Variants in MIER1 observed in about 807,000 individuals in gnomAD.
MIER1 encodes MIER1 transcriptional regulator.
In MIER1, 40 loss-of-function variants were observed where a neutral mutation model predicts 75.7. The ratio of observed to expected loss-of-function variants is 0.53; its 90% CI spans 0.41 to 0.69. MIER1 has a LOEUF of 0.69. Ranked by LOEUF, MIER1 falls within the 30% of genes least tolerant of loss-of-function variation. The probability of loss-of-function intolerance (pLI) is 0.00; values close to 1 mark genes in which losing one functional copy is unlikely to be tolerated. For missense variants in MIER1, 574 were observed against 680.2 expected, an observed-to-expected ratio of 0.84 and a Z score of 1.74; for synonymous variants, 213 against 223.4, an observed-to-expected ratio of 0.95 and a Z score of 0.42.
chr1:66,925,409 G>T lies in MIER1; in HGVS notation c.67+314G>T, dbSNP rs543137616. The T allele has an allele frequency of 1.3e-5, 13 of 985,460 alleles. No homozygotes were observed. In the South Asian group the frequency reaches 6.1e-4, roughly 46 times the overall value. The allele number at this position is 985,460 out of a possible 1,614,324, so 61.0% of individuals were successfully genotyped here. A position where few individuals can be genotyped will look rare whatever the true frequency, so the allele number is the denominator to read the frequency against. ...GAGTTCGCCTCGCCCCGTTCGCTTC[G>T]GTCCCTGATCCCAGTCGGGGTGGGG... On this transcript the variant is annotated intron_variant, in intron 1 of 13. Transcript: ENST00000401041.
intron 12 of MIER1, among the ~76,000 whole-genome samples, chr1:66,980,618 T>C (rs981864327): frequency 2.6e-5 from 4 of 152,230 alleles, no homozygotes; most frequent in Non-Finnish European, 4.4e-5. Context: ...CACAAAATTC[T>C]AAGAGATTTG....
chr1:66,956,248 C>T (rs1474604978), intron 4 of MIER1, among the ~76,000 whole-genome samples: 1 of 152,064 alleles, frequency 6.6e-6, no homozygotes, highest in African/African-American at 2.4e-5. Context: ...ATGGTGAAAC[C>T]CTTCTCTATG....
Position 66,967,345 on chromosome 1 carries a change from C to G in MIER1, c.773-3463C>G, listed in dbSNP as rs375926343. 2.0e-5 allele frequency among the ~76,000 whole-genome samples: 3 copies of G among 152,088 alleles called. No individual in the cohort carries two copies. The South Asian group carries it at 6.2e-4, about 32-fold the overall frequency. ...GTGACTTGTTTCTGGGTCCTGTGTT[C>G]TGTTCTGTATGTCTTATTTTTATGC... On this transcript the variant is annotated intron_variant, in intron 8 of 13. Coordinates refer to ENST00000401041, the MANE Select transcript of MIER1 (RefSeq NM_001077700.3).
Position 66,987,991 on chromosome 1 carries a change from C to T in MIER1, c.*3091C>T. 6.6e-6 allele frequency: 1 copy of T among 152,248 alleles called. No individual in the cohort carries two copies. Among genetic ancestry groups the T allele is most frequent in the Non-Finnish European group, 1.5e-5 (1 of 68,010 alleles). The allele number at this position is 152,248 out of a possible 1,614,324, so 9.4% of individuals were successfully genotyped here. A position where few individuals can be genotyped will look rare whatever the true frequency, so the allele number is the denominator to read the frequency against. ...CCGTATTTTGTAGTGGAGTTCATAT[C>T]ACATTATGTTTTGCAAAATAAAACT... is the stretch of plus-strand genomic sequence containing the variant. On this transcript the variant is annotated 3_prime_UTR_variant, in exon 14 of 14. Transcript: ENST00000401041.
chr1:66,975,533 AAAG>A (rs1163674944), intron 11 of MIER1, among the ~76,000 whole-genome samples: 1 of 142,230 alleles, frequency 7.0e-6, no homozygotes, highest in African/African-American at 2.5e-5. Flanking sequence ...CTCAAAAAAA[AAAG>A]AAAAAGAAAG....
chr1:66,950,411 A>G (rs1406350874), intron 4 of MIER1, among the ~76,000 whole-genome samples: 2 of 152,168 alleles, frequency 1.3e-5, no homozygotes, highest in East Asian at 3.9e-4. Flanking sequence ...ACCTGGCCAT[A>G]GATACATTTT....
At chr1:66,937,384 C>T (rs998692390) in intron 2 of MIER1, among the ~76,000 whole-genome samples, 5 of 152,038 alleles carry the variant, frequency 3.3e-5, no homozygotes, top group South Asian at 4.1e-4. Context: ...GTCAGGAGTT[C>T]GAGACCAGCC....
chr1:66,966,151 C>T (rs904142225), intron 8 of MIER1, among the ~76,000 whole-genome samples: 5 of 151,988 alleles, frequency 3.3e-5, no homozygotes, highest in Non-Finnish European at 7.4e-5. Flanking sequence ...TTGTCATGTA[C>T]ATTAGGTATA....
chr1:66,953,596 C>CTTTTTTTTT (rs56012776), intron 4 of MIER1, among the ~76,000 whole-genome samples: 2 of 134,670 alleles, frequency 1.5e-5, no homozygotes, highest in Non-Finnish European at 1.6e-5. Flanking sequence ...TTTTCTTTTC[C>CTTTTTTTTT]TTTTTTTTTT....
intron 4 of MIER1, chr1:66,947,954 T>TAGC: frequency 2.0e-6 from 2 of 985,476 alleles, no homozygotes; most frequent in South Asian, 9.4e-5. Context: ...CTCCTCAGAA[T>TAGC]AGCAGCCTTT....
At chr1:66,935,448 C>G (rs1182446793) in intron 2 of MIER1, among the ~76,000 whole-genome samples, 1 of 151,900 alleles carries the variant, frequency 6.6e-6, no homozygotes, top group Admixed American at 6.6e-5. Context: ...AAATATGTAC[C>G]CCCTAAAACA....
chr1:66,934,294 A>C (rs2101101700), intron 2 of MIER1, among the ~76,000 whole-genome samples: 1 of 152,246 alleles, frequency 6.6e-6, no homozygotes, highest in African/African-American at 2.4e-5. Flanking sequence ...GTGAGCAGAG[A>C]GTTTACGTAG....
In MIER1 at chr1:66,985,411, C is replaced by G; in HGVS notation, c.*511C>G. 2 of 982,874 alleles carry G rather than the reference C, an allele frequency of 2.0e-6. No individual in the cohort carries two copies. Among genetic ancestry groups the G allele is most frequent in the Non-Finnish European group, 1.2e-6 (1 of 827,620 alleles). The allele number at this position is 982,874 out of a possible 1,614,324, so 60.9% of individuals were successfully genotyped here. On this transcript the variant is annotated 3_prime_UTR_variant, in exon 14 of 14. Transcript: ENST00000401041. ...AGTATCTTTATTAAGGAAACCCTTA[C>G]GAATCCTGAAAATTATGCTAGCATG...
chr1:66,977,755 A>G (rs757079970), intron 12 of MIER1, among the ~76,000 whole-genome samples: 9 of 152,220 alleles, frequency 5.9e-5, no homozygotes, highest in Non-Finnish European at 1.0e-4. Context: ...TTATGATGGA[A>G]TTAACTTTAC....
intron 2 of MIER1, chr1:66,930,460 G>C: frequency 5.1e-6 from 8 of 1,576,620 alleles, no homozygotes; most frequent in Non-Finnish European, 6.9e-6. Flanking sequence ...CCTGGGCCGG[G>C]GAGGAGTGGA....
chr1:66,925,986 A>G (rs1043413986), intron 1 of MIER1, among the ~76,000 whole-genome samples, 156 bp from the exon 2 acceptor site: 1 of 152,218 alleles, frequency 6.6e-6, no homozygotes, highest in Non-Finnish European at 1.5e-5. Flanking sequence ...TACAAATTGC[A>G]TGACTTAAGG....
intron 2 of MIER1, chr1:66,930,422 C>T (rs1347702476): frequency 1.2e-6 from 2 of 1,605,138 alleles, no homozygotes; most frequent in African/African-American, 1.4e-5. Flanking sequence ...AGCTCCCCCT[C>T]CCTGTCCCGG....
intron 3 of MIER1, among the ~76,000 whole-genome samples, chr1:66,945,287 A>G (rs1202676812): frequency 6.7e-3 from 41 of 6,118 alleles, no homozygotes; most frequent in African/African-American, 0.046. Flanking sequence ...ATATATATAT[A>G]TATATATATA....
chr1:66,955,391 A>T (rs1570324941), intron 4 of MIER1, among the ~76,000 whole-genome samples: 1 of 120,736 alleles, frequency 8.3e-6, no homozygotes. Context: ...GCCTCACTGG[A>T]GACTTACTAG....
Sources: gnomAD v4.1 joint callset for allele counts (sites outside exome capture counted in the v4.1 genomes callset) on GRCh38, gnomAD v4.1.1 for gene constraint, MANE v1.5 for transcripts, NCBI Gene and HGNC (gene_info 2026-07-23, HGNC 2026-07-21) for gene names.